The following RGMA variants were observed in gnomAD, a reference collection of about 807,000 sequenced individuals.
RGMA encodes repulsive guidance molecule A.
In RGMA, 10 loss-of-function variants were observed where a neutral mutation model predicts 23.2. The observed-to-expected ratio is 0.43, with a 90% CI of 0.27 to 0.73. RGMA has a LOEUF of 0.73. Among genes scored for constraint, RGMA ranks in the 30% least tolerant of loss-of-function variants. RGMA has a pLI of 0.20. For synonymous variants in RGMA, 308 were observed against 279.3 expected (o/e 1.10, Z -1.03); for missense variants, 547 against 630.5 (o/e 0.87, Z 1.42).
chr15:93,065,445 C>A, intron 2 of RGMA: 1 of 402,116 alleles, frequency 2.5e-6, no homozygotes, highest in Non-Finnish European at 4.6e-6. Flanking sequence ...CCTCCTGAGT[C>A]TCAAAGAAAA....
rs150045816 is a variant in RGMA at position 93,063,909 on chromosome 15, C to T, written c.130+9007G>A. Among the ~76,000 whole-genome samples, 711 of 152,268 alleles carry T rather than the reference C, an allele frequency of 4.7e-3. 8 individuals carry two copies. The highest frequency in any genetic ancestry group is 0.016 in the African/African-American group (666 of 41,552). On this transcript the variant is annotated intron_variant, in intron 2 of 3. Transcript: ENST00000329082. ...CCACGTGAGCATGGGCAAAAGTGGC[C>T]GAATGCCACTCACGGAGCTCAGGCA...
intron 1 of RGMA, chr15:93,088,679 T>C: frequency 1.4e-6 from 1 of 721,810 alleles, no homozygotes; most frequent in Non-Finnish European, 2.0e-6. Context: ...CCACGCGCGC[T>C]GGCGGCTGCC....
Position 93,040,168 on chromosome 15 carries a change from C to G in RGMA, c.*4830G>C, listed in dbSNP as rs557779542. On this transcript the variant is annotated 3_prime_UTR_variant, in exon 4 of 4. Transcript: ENST00000329082. Reference sequence around the variant, plus strand: ...AGGCTGCAGTGAGCTGTGATTGTGCCGCTGCACTCCAGCCTGGGTGACAGA... The same window carrying G: ...AGGCTGCAGTGAGCTGTGATTGTGCGGCTGCACTCCAGCCTGGGTGACAGA... The G allele has an allele frequency of 1.3e-4, 20 of 152,424 alleles. No homozygotes were observed. Among genetic ancestry groups the G allele is most frequent in the African/African-American group, 4.8e-4 (20 of 41,562 alleles). The allele number at this position is 152,424 out of a possible 1,614,324, so 9.4% of individuals were successfully genotyped here.
rs868276760 is a variant in RGMA, at chr15:93,088,591, G to T, written c.14+328C>A. 9.1e-4 allele frequency: 979 copies of T among 1,072,678 alleles called. 1 individual carries two copies. Among genetic ancestry groups the T allele is most frequent in the Middle Eastern group, 7.9e-3 (19 of 2,404 alleles). 66.4% of individuals were successfully genotyped at this position (1,072,678 alleles called of 1,614,324 possible). A position where few individuals can be genotyped will look rare whatever the true frequency, so the allele number is the denominator to read the frequency against. ...GACAGTCGGGTGGCCGGCTCCGTCCGGGGCTCCGCGAGCCGGGCTGAGGGA... is the reference window on the plus strand; with the variant it reads ...GACAGTCGGGTGGCCGGCTCCGTCCTGGGCTCCGCGAGCCGGGCTGAGGGA... On this transcript the variant is annotated intron_variant, in intron 1 of 3. Coordinates refer to ENST00000329082, the MANE Select transcript of RGMA (RefSeq NM_020211.3).
chr15:93,077,051 AT>A (rs1289748523), intron 1 of RGMA, among the ~76,000 whole-genome samples: 1 of 152,114 alleles, frequency 6.6e-6, no homozygotes, highest in African/African-American at 2.4e-5. Context: ...AAGGGAGGGG[AT>A]GGCAGGGAGA....
chr15:93,086,151 T>A (rs778682699), intron 1 of RGMA, among the ~76,000 whole-genome samples: 12 of 152,158 alleles, frequency 7.9e-5, no homozygotes, highest in Admixed American at 7.9e-4. Flanking sequence ...AATGGCTACA[T>A]AATGGAAGCA....
chr15:93,060,370 T>G (rs562673825), intron 2 of RGMA, among the ~76,000 whole-genome samples: 10 of 152,280 alleles, frequency 6.6e-5, no homozygotes, highest in African/African-American at 2.4e-4. Context: ...TTAGCTATAG[T>G]GGGGCAAAAA....
intron 2 of RGMA, among the ~76,000 whole-genome samples, chr15:93,057,300 A>T (rs146862898): frequency 5.6e-4 from 86 of 152,280 alleles, no homozygotes; most frequent in Non-Finnish European, 1.0e-3. Context: ...CCCTTATGGG[A>T]TGACATTTGG....
intron 1 of RGMA, among the ~76,000 whole-genome samples, chr15:93,074,771 G>A (rs1895442547): frequency 6.6e-6 from 1 of 152,134 alleles, no homozygotes; most frequent in South Asian, 2.1e-4. Flanking sequence ...TCACCGAACG[G>A]CAGCCCATTC....
At chr15:93,082,013 C>T (rs914320858) in intron 1 of RGMA, among the ~76,000 whole-genome samples, 2 of 152,216 alleles carry the variant, frequency 1.3e-5, no homozygotes, top group African/African-American at 2.4e-5. Flanking sequence ...CTCTCTAGAG[C>T]TCAGTTATTT....
Position 93,073,518 on chromosome 15 carries a change from CAATCCAAGTAGAAA to C in RGMA, c.15-501_15-488del, listed in dbSNP as rs1408793944. The C allele has an allele frequency of 2.8e-6, 4 of 1,410,762 alleles. No homozygotes were observed. In the African/African-American group the frequency reaches 4.3e-5, roughly 15 times the overall value. 87.4% of individuals were successfully genotyped at this position (1,410,762 alleles called of 1,614,324 possible). The stretch of plus-strand genomic sequence containing the variant: ...CCCCTTAATCCCCTCCACGAATATC[CAATCCAAGTAGAAA>C]AACTGTCCTTGGAGGCAAATCCCAG... On this transcript the variant is annotated intron_variant, in intron 1 of 3. Coordinates refer to ENST00000329082, the MANE Select transcript of RGMA (RefSeq NM_020211.3).
At chr15:93,047,804 T>C (rs2054849378) in intron 3 of RGMA, among the ~76,000 whole-genome samples, 1 of 151,988 alleles carries the variant, frequency 6.6e-6, no homozygotes, top group South Asian at 2.1e-4. Flanking sequence ...GCCAAGGGAG[T>C]TTCTGGCCTA....
intron 3 of RGMA, among the ~76,000 whole-genome samples, chr15:93,046,111 G>A (rs546021106): frequency 6.6e-6 from 1 of 152,190 alleles, no homozygotes; most frequent in Non-Finnish European, 1.5e-5. Context: ...TGTTCCCTTA[G>A]ATGGCAAAAG....
chr15:93,074,587 AT>A (rs1895438313), intron 1 of RGMA, among the ~76,000 whole-genome samples: 2 of 152,348 alleles, frequency 1.3e-5, no homozygotes, highest in African/African-American at 2.4e-5. Context: ...TTTCCCTGAA[AT>A]ATTGAGGTCT....
At position 93,038,275 on chromosome 15, in the gene RGMA, T is replaced by G. The variant is rs2054681488; in HGVS notation, c.*6723A>C. The G allele has an allele frequency of 6.6e-6, 1 of 152,188 alleles. No homozygotes were observed. 9.4% of individuals were successfully genotyped at this position (152,188 alleles called of 1,614,324 possible). Reference sequence around the variant, plus strand: ...GTTTGGGGGGCAGGGGTCTTCCCATTGCAGCAAGCTTCTTTCCATTGTTTC... The same window carrying G: ...GTTTGGGGGGCAGGGGTCTTCCCATGGCAGCAAGCTTCTTTCCATTGTTTC... On this transcript the variant is annotated 3_prime_UTR_variant, in exon 4 of 4. Coordinates refer to ENST00000329082, the MANE Select transcript of RGMA (RefSeq NM_020211.3).
intron 1 of RGMA, among the ~76,000 whole-genome samples, chr15:93,084,942 A>G (rs1377508402): frequency 1.3e-5 from 2 of 152,188 alleles, no homozygotes; most frequent in Non-Finnish European, 2.9e-5. Flanking sequence ...AGGGGTAGGT[A>G]TATGTACGTT....
intron 2 of RGMA, among the ~76,000 whole-genome samples, chr15:93,063,760 T>A (rs1895048803): frequency 6.6e-6 from 1 of 152,128 alleles, no homozygotes; most frequent in African/African-American, 2.4e-5. Flanking sequence ...CCACTGGAAA[T>A]TTTCTAGGAG....
Position 93,052,435 on chromosome 15 carries a change from G to T in RGMA, c.203C>A (p.Ala68Asp), listed in dbSNP as rs767732875. Residue 68 changes from alanine (A) to aspartate (D), a missense_variant, in exon 3 of 4, where the codon GCC becomes GAC. Physicochemically the swap from Ala to Asp is moderately radical, Grantham distance 126. Around this residue, in one of 3 missense-constraint regions of RGMA, gnomAD observed 214 missense variants for 234.7 expected, o/e 0.91. Coordinates refer to ENST00000329082, the MANE Select transcript of RGMA (RefSeq NM_020211.3). ...ACAGAACTCGGGGGTGTCGTCTGAG[G>T]CTGGGGCGTGGCTGCCCGACGTGGC... ...WSATSGSHAP[A>D]SDDTPEFCAA... 6.3e-7 allele frequency: 1 copy of T among 1,594,692 alleles called. No homozygotes were observed. Among genetic ancestry groups the T allele is most frequent in the African/African-American group, 1.3e-5 (1 of 74,960 alleles).
intron 2 of RGMA, among the ~76,000 whole-genome samples, chr15:93,069,528 A>G (rs1427448196): frequency 6.7e-6 from 1 of 148,610 alleles, no homozygotes; most frequent in Non-Finnish European, 1.5e-5. Flanking sequence ...ACTGAGGACT[A>G]ACATTTCTAA....
Sources: gnomAD v4.1 joint callset for allele counts (sites outside exome capture counted in the v4.1 genomes callset) on GRCh38, gnomAD v4.1.1 for gene constraint, gnomAD v4.1.1 regional missense constraint, MANE v1.5 for transcripts, NCBI Gene and HGNC (gene_info 2026-07-23, HGNC 2026-07-21) for gene names.